Variants in PDE10A observed in about 807,000 individuals in gnomAD.
PDE10A encodes phosphodiesterase 10A.
PDE10A carries 39 observed loss-of-function variants against 97.7 expected under a neutral mutation model. The ratio of observed to expected loss-of-function variants is 0.40; its 90% CI spans 0.31 to 0.52. The LOEUF is 0.52. PDE10A is among the 20% of genes least tolerant of loss of function. The pLI is 0.56. For missense variants in PDE10A, 731 were observed against 1,047.8 expected (o/e 0.70, Z 4.17); for synonymous variants, 371 against 376.8 (o/e 0.98, Z 0.18).
At chr6:165,370,482 A>T (rs1451922284) in intron 18 of PDE10A, among the ~76,000 whole-genome samples, 54 of 143,698 alleles carry the variant, frequency 3.8e-4, no homozygotes, top group Admixed American at 7.0e-4. Context: ...GAGACAAAGA[A>T]GGCCATTACA....
At chr6:165,636,181 T>C (rs1382050733) in intron 1 of PDE10A, among the ~76,000 whole-genome samples, 1 of 152,190 alleles carries the variant, frequency 6.6e-6, no homozygotes, top group Non-Finnish European at 1.5e-5. Context: ...CCCTACTTCC[T>C]ATTCCTGGGT....
intron 1 of PDE10A, among the ~76,000 whole-genome samples, chr6:165,821,011 C>T (rs1315895858): frequency 6.6e-6 from 1 of 152,356 alleles, no homozygotes; most frequent in South Asian, 2.1e-4. Flanking sequence ...ATCTTTCTCT[C>T]TTCCTCAGAA....
At chr6:165,866,334 C>A (rs1328854847) in intron 1 of PDE10A, among the ~76,000 whole-genome samples, 1 of 151,614 alleles carries the variant, frequency 6.6e-6, no homozygotes, top group African/African-American at 2.4e-5. Flanking sequence ...TTTTGACTCA[C>A]CTTGCCCTTA....
At chr6:165,491,361 C>A (rs1780217090) in intron 2 of PDE10A, among the ~76,000 whole-genome samples, 1 of 152,118 alleles carries the variant, frequency 6.6e-6, no homozygotes, top group Admixed American at 6.5e-5. Flanking sequence ...AACAAAGAAA[C>A]AATGGACTTA....
intron 1 of PDE10A, among the ~76,000 whole-genome samples, chr6:165,974,180 T>C (rs2128502064): frequency 6.6e-6 from 1 of 152,354 alleles, no homozygotes; most frequent in South Asian, 2.1e-4. Context: ...CTTTCATCCA[T>C]ACATTTTTGA....
At chr6:165,557,473 A>G (rs1474919841) in intron 1 of PDE10A, among the ~76,000 whole-genome samples, 1 of 152,216 alleles carries the variant, frequency 6.6e-6, no homozygotes, top group African/African-American at 2.4e-5. Flanking sequence ...TAAAAATTAT[A>G]CCCTAAAAGT....
At chr6:165,779,632 A>T (rs1583077017) in intron 1 of PDE10A, among the ~76,000 whole-genome samples, 1 of 152,160 alleles carries the variant, frequency 6.6e-6, no homozygotes, top group Non-Finnish European at 1.5e-5. Context: ...TACAAAGTTG[A>T]TTCTGTTTAA....
chr6:165,411,610 A>G (rs1787843180), intron 13 of PDE10A, among the ~76,000 whole-genome samples: 1 of 152,240 alleles, frequency 6.6e-6, no homozygotes. Context: ...TGGCCCTAGC[A>G]AGCTAATACA....
chr6:165,400,588 C>T (rs1786575608), intron 13 of PDE10A, among the ~76,000 whole-genome samples: 1 of 152,196 alleles, frequency 6.6e-6, no homozygotes, highest in Non-Finnish European at 1.5e-5. Context: ...TGTAGAAGAA[C>T]TGGAACACAT....
At chr6:165,509,851 G>C (rs1042848154) in intron 2 of PDE10A, among the ~76,000 whole-genome samples, 3 of 151,856 alleles carry the variant, frequency 2.0e-5, no homozygotes, top group African/African-American at 7.3e-5. Flanking sequence ...TATTGTAAAT[G>C]GGATTGGCTT....
At chr6:165,352,928 T>C (rs1782790767) in intron 18 of PDE10A, among the ~76,000 whole-genome samples, 1 of 152,040 alleles carries the variant, frequency 6.6e-6, no homozygotes, top group South Asian at 2.1e-4. Context: ...AGAGAAAACA[T>C]TGGCAAAAGG....
chr6:165,513,751 C>T (rs1306181711), intron 2 of PDE10A, among the ~76,000 whole-genome samples: 1 of 152,000 alleles, frequency 6.6e-6, no homozygotes, highest in African/African-American at 2.4e-5. Context: ...TGCTAAATGT[C>T]TTAAGTATTT....
At chr6:165,459,276 G>C (rs1378125388) in intron 3 of PDE10A, among the ~76,000 whole-genome samples, 1 of 151,952 alleles carries the variant, frequency 6.6e-6, no homozygotes, top group Middle Eastern at 3.2e-3. Flanking sequence ...GCCCAGATTT[G>C]GCAAGCAGAA....
chr6:165,676,828 T>C (rs1473025417), intron 1 of PDE10A, among the ~76,000 whole-genome samples: 1 of 152,044 alleles, frequency 6.6e-6, no homozygotes, highest in Non-Finnish European at 1.5e-5. Context: ...GGCGAGCGCC[T>C]CCCTTCCTGC....
At chr6:165,936,984 G>A (rs1032536404) in intron 1 of PDE10A, among the ~76,000 whole-genome samples, 1 of 152,230 alleles carries the variant, frequency 6.6e-6, no homozygotes, top group East Asian at 1.9e-4. Context: ...AGCTTGTATT[G>A]TTGGGAACTT....
intron 1 of PDE10A, among the ~76,000 whole-genome samples, chr6:165,963,223 C>T (rs1340891041): frequency 6.6e-6 from 1 of 152,174 alleles, no homozygotes; most frequent in Non-Finnish European, 1.5e-5. Flanking sequence ...AAGAGAAGAG[C>T]AAATATGTTC....
At chr6:165,713,817 G>A (rs555966835) in intron 1 of PDE10A, among the ~76,000 whole-genome samples, 83 of 152,314 alleles carry the variant, frequency 5.4e-4, no homozygotes, top group East Asian at 7.7e-4. Flanking sequence ...GGTCACAGAA[G>A]TTTGAAATGA....
intron 2 of PDE10A, among the ~76,000 whole-genome samples, chr6:165,520,897 T>G (rs1281348435): frequency 1.3e-5 from 2 of 152,098 alleles, no homozygotes; most frequent in Non-Finnish European, 2.9e-5. Context: ...AGAAGCCCCC[T>G]TCAGGCTCTG....
chr6:165,703,072 G>A (rs1791620398), intron 1 of PDE10A, among the ~76,000 whole-genome samples: 1 of 152,188 alleles, frequency 6.6e-6, no homozygotes, highest in African/African-American at 2.4e-5. Flanking sequence ...TTCACTCAAA[G>A]AACAAACTGC....
Sources: allele counts gnomAD v4.1 joint callset (sites outside exome capture counted in the v4.1 genomes callset), GRCh38; gene constraint gnomAD v4.1.1; transcripts MANE v1.5; gene names NCBI Gene and HGNC (gene_info 2026-07-23, HGNC 2026-07-21).